The following PPARGC1B variants were observed in gnomAD, a reference collection of about 807,000 sequenced individuals.
The protein encoded by PPARGC1B is PPARG coactivator 1 beta.
In PPARGC1B, 34 loss-of-function variants were observed where a neutral mutation model predicts 101.6. The observed-to-expected ratio is 0.33, with a 90% CI of 0.25 to 0.45. The LOEUF is 0.45. Among genes scored for constraint, PPARGC1B ranks in the 20% least tolerant of loss-of-function variants. The probability of loss-of-function intolerance (pLI) is 1.00; values close to 1 mark genes in which losing one functional copy is unlikely to be tolerated. For synonymous variants in PPARGC1B, 548 were observed against 539.3 expected (o/e 1.02, Z -0.22); for missense variants, 1,234 against 1,317.6 (o/e 0.94, Z 0.98).
intron 1 of PPARGC1B, among the ~76,000 whole-genome samples, chr5:149,737,319 G>C (rs1754755485): frequency 2.6e-5 from 4 of 152,148 alleles, no homozygotes; most frequent in African/African-American, 9.7e-5. Flanking sequence ...TTTTAAGTTG[G>C]AGAGTTAGGC....
intron 1 of PPARGC1B, among the ~76,000 whole-genome samples, chr5:149,786,843 C>T (rs979887722): frequency 1.3e-5 from 2 of 152,184 alleles, no homozygotes; most frequent in Non-Finnish European, 2.9e-5. Context: ...AATCCTCTCC[C>T]AGGCCTCAGA....
chr5:149,773,886 G>A (rs182625621), intron 1 of PPARGC1B, among the ~76,000 whole-genome samples: 1 of 152,090 alleles, frequency 6.6e-6, no homozygotes, highest in Non-Finnish European at 1.5e-5. Flanking sequence ...GACTGTGGGC[G>A]GGGCTCAGCC....
rs746361969 is a variant in PPARGC1B at position 149,836,512 on chromosome 5, C to T, written c.2057C>T (p.Ser686Phe). 1 of 1,614,078 alleles carries T rather than the reference C, an allele frequency of 6.2e-7. No homozygotes were observed. The highest frequency in any genetic ancestry group is 8.5e-7 in the Non-Finnish European group (1 of 1,180,036). Reference protein sequence around the residue: ...ASQAGQKRPFSCSFGDHDYCQ... With the variant: ...ASQAGQKRPFFCSFGDHDYCQ... ...CAGGCTGGCCAGAAGCGTCCCTTCT[C>T]CTGTTCCTTTGGAGACCATGACTAC... The change falls in exon 8 of 12, where the codon TCC becomes TTC. Residue 686 changes from serine (S) to phenylalanine (F), a missense_variant. This residue lies in a region of PPARGC1B where 497 missense variants were observed against 529.5 expected (regional missense o/e 0.94). Transcript: ENST00000309241.
intron 1 of PPARGC1B, among the ~76,000 whole-genome samples, chr5:149,814,111 A>G (rs377531888): frequency 1.6e-4 from 25 of 152,254 alleles, no homozygotes; most frequent in African/African-American, 6.0e-4. Flanking sequence ...GTGGTACTTT[A>G]TCTTTGTAAG....
chr5:149,773,221 G>A (rs191300618), intron 1 of PPARGC1B, among the ~76,000 whole-genome samples: 4 of 152,354 alleles, frequency 2.6e-5, no homozygotes, highest in Admixed American at 2.6e-4. Context: ...CTGTGGTCGT[G>A]TCTTGTGCAG....
intron 1 of PPARGC1B, among the ~76,000 whole-genome samples, chr5:149,789,571 T>C (rs1429047634): frequency 6.6e-6 from 1 of 152,232 alleles, no homozygotes; most frequent in East Asian, 1.9e-4. Context: ...GAGTGCTTTG[T>C]TTATATCCTC....
chr5:149,850,468 C>G lies in PPARGC1B; in HGVS notation c.*2910C>G, dbSNP rs1423819872. The G allele has an allele frequency of 6.6e-6, 1 of 152,236 alleles. No homozygotes were observed. The highest frequency in any genetic ancestry group is 6.5e-5 in the Admixed American group (1 of 15,284). 9.4% of individuals were successfully genotyped at this position (152,236 alleles called of 1,614,324 possible). On this transcript the variant is annotated 3_prime_UTR_variant, in exon 12 of 12. Transcript: ENST00000309241. ...TGCCAAGGGCATCGAGTAGTCTCTA[C>G]TTGCTATCCCGTACATAAAATGCTA... is the stretch of plus-strand genomic sequence containing the variant.
chr5:149,847,704 T>TAAAAA lies in PPARGC1B; in HGVS notation c.*156_*160dup. On this transcript the variant is annotated 3_prime_UTR_variant, in exon 12 of 12. Coordinates refer to ENST00000309241, the MANE Select transcript of PPARGC1B (RefSeq NM_133263.4). ...AGAGAGACTTGAAACTGCTGTCCTT[T>TAAAAA]AAAAAAAAAAAAAATCAATGTTTAC... 2.0e-6 allele frequency: 1 copy of TAAAAA among 499,932 alleles called. No individual in the cohort carries two copies. Among genetic ancestry groups the TAAAAA allele is most frequent in the Non-Finnish European group, 3.6e-6 (1 of 278,196 alleles). 31.0% of individuals were successfully genotyped at this position (499,932 alleles called of 1,614,324 possible). A position where few individuals can be genotyped will look rare whatever the true frequency, so the allele number is the denominator to read the frequency against.
intron 1 of PPARGC1B, among the ~76,000 whole-genome samples, chr5:149,755,119 G>C (rs996324435): frequency 2.0e-5 from 3 of 148,474 alleles, no homozygotes; most frequent in Non-Finnish European, 4.4e-5. Context: ...ATGTTGGGCA[G>C]GCTGGTCTCA....
At chr5:149,753,589 T>C (rs1373487292) in intron 1 of PPARGC1B, among the ~76,000 whole-genome samples, 4 of 152,244 alleles carry the variant, frequency 2.6e-5, no homozygotes, top group Non-Finnish European at 1.5e-5. Context: ...TCTAATTGAC[T>C]ACTGCTGCTA....
chr5:149,740,152 TGTTTGC>T (rs1198373820), intron 1 of PPARGC1B: 1 of 152,218 alleles, frequency 6.6e-6, no homozygotes, highest in Non-Finnish European at 1.5e-5. Flanking sequence ...TTGCCCTAAT[TGTTTGC>T]TTCAGTGACT....
rs141081489 is a variant in PPARGC1B at position 149,772,124 on chromosome 5, C to T, written c.78+41704C>T. On this transcript the variant is annotated intron_variant, in intron 1 of 11. Transcript: ENST00000309241. Reference sequence around the variant, plus strand: ...GCTGCCCCAGGACCCTTGGAGGAGCCGCCACCAGAGCAATGGTAGGTGTTG... The same window carrying T: ...GCTGCCCCAGGACCCTTGGAGGAGCTGCCACCAGAGCAATGGTAGGTGTTG... The T allele has an allele frequency of 1.0e-3, 1,672 of 1,597,888 alleles. 26 individuals carry two copies. In the African/African-American group the frequency reaches 0.02, roughly 19 times the overall value.
chr5:149,759,569 C>T (rs981338292), intron 1 of PPARGC1B, among the ~76,000 whole-genome samples: 3 of 152,172 alleles, frequency 2.0e-5, no homozygotes, highest in Non-Finnish European at 4.4e-5. Flanking sequence ...CAGCTGTTGA[C>T]CCAAGTTGGA....
At chr5:149,743,330 A>G (rs1754978535) in intron 1 of PPARGC1B, among the ~76,000 whole-genome samples, 1 of 151,214 alleles carries the variant, frequency 6.6e-6, no homozygotes, top group Non-Finnish European at 1.5e-5. Context: ...TAATTTTTGT[A>G]TTTTTAGTGG....
intron 10 of PPARGC1B, among the ~76,000 whole-genome samples, chr5:149,845,118 C>T (rs1323254013): frequency 6.6e-6 from 1 of 152,164 alleles, no homozygotes; most frequent in African/African-American, 2.4e-5. Context: ...GCCTGGTTGA[C>T]CACACATGCT....
chr5:149,770,741 G>C (rs1756099472), intron 1 of PPARGC1B, among the ~76,000 whole-genome samples: 1 of 151,678 alleles, frequency 6.6e-6, no homozygotes, highest in South Asian at 2.1e-4. Context: ...GCTGAGGTGG[G>C]AGAACTCTTG....
At chr5:149,772,109 G>T in intron 1 of PPARGC1B, 3 of 1,591,388 alleles carry the variant, frequency 1.9e-6, no homozygotes, top group Middle Eastern at 1.7e-4. Context: ...GCTGCCCCAG[G>T]ACCCTTGGAG....
intron 1 of PPARGC1B, among the ~76,000 whole-genome samples, chr5:149,766,755 A>G (rs1295006132): frequency 6.6e-6 from 1 of 152,222 alleles, no homozygotes; most frequent in African/African-American, 2.4e-5. Flanking sequence ...AAAGGCAAAT[A>G]TGGGGTGATT....
chr5:149,782,120 G>A (rs1012205772), intron 1 of PPARGC1B, among the ~76,000 whole-genome samples: 6 of 151,982 alleles, frequency 3.9e-5, no homozygotes, highest in Admixed American at 1.3e-4. Flanking sequence ...GAGAAGAAAA[G>A]GGAAGTAAGA....
Sources: allele counts gnomAD v4.1 joint callset (sites outside exome capture counted in the v4.1 genomes callset), GRCh38; gene constraint gnomAD v4.1.1; regional missense constraint gnomAD v4.1.1; transcripts MANE v1.5; gene names NCBI Gene and HGNC (gene_info 2026-07-23, HGNC 2026-07-21).